Variants in AUTS2 observed in about 807,000 individuals in gnomAD.
The protein encoded by AUTS2 is activator of transcription and developmental regulator AUTS2.
Under a neutral mutation model 112.4 loss-of-function variants are expected in AUTS2, and 17 were observed. The ratio of observed to expected loss-of-function variants is 0.15; its 90% CI spans 0.10 to 0.23. AUTS2 has a LOEUF of 0.23. Ranked by LOEUF, AUTS2 falls within the 10% of genes least tolerant of loss-of-function variation. AUTS2 has a pLI of 1.00. For synonymous variants in AUTS2, 751 were observed against 702.7 expected, an observed-to-expected ratio of 1.07 and a Z score of -1.09; for missense variants, 1,510 against 1,701.6, an observed-to-expected ratio of 0.89 and a Z score of 1.98.
chr7:69,677,116 T>C (rs1189183294), intron 1 of AUTS2, among the ~76,000 whole-genome samples: 1 of 152,124 alleles, frequency 6.6e-6, no homozygotes, highest in Non-Finnish European at 1.5e-5. Flanking sequence ...TGAAGAAATA[T>C]AGGCTGTCAG....
intron 1 of AUTS2, among the ~76,000 whole-genome samples, chr7:69,681,646 C>T (rs1796803142): frequency 6.6e-6 from 1 of 152,202 alleles, no homozygotes; most frequent in African/African-American, 2.4e-5. Flanking sequence ...ACTCTGTTCC[C>T]TGCCATTGTC....
intron 6 of AUTS2, among the ~76,000 whole-genome samples, chr7:70,760,533 T>G (rs766785303): frequency 2.8e-4 from 43 of 152,242 alleles, no homozygotes; most frequent in Non-Finnish European, 5.4e-4. Flanking sequence ...TCAATGCCTT[T>G]GATAATAGCT....
At chr7:70,393,452 G>C (rs1315078659) in intron 4 of AUTS2, among the ~76,000 whole-genome samples, 1 of 152,012 alleles carries the variant, frequency 6.6e-6, no homozygotes, top group Non-Finnish European at 1.5e-5. Flanking sequence ...TATTTCACTG[G>C]ATCTTACTGG....
chr7:70,387,489 G>A (rs1793665994), intron 4 of AUTS2, among the ~76,000 whole-genome samples: 1 of 151,988 alleles, frequency 6.6e-6, no homozygotes, highest in African/African-American at 2.4e-5. Context: ...TCCCTTTCCA[G>A]CCTCATAACA....
chr7:70,711,822 G>A (rs1476481859), intron 6 of AUTS2, among the ~76,000 whole-genome samples: 2 of 152,126 alleles, frequency 1.3e-5, no homozygotes, highest in South Asian at 2.1e-4. Flanking sequence ...GCCAGACTTC[G>A]GAGAGGGGTC....
chr7:70,660,834 A>G (rs1807033261), intron 5 of AUTS2, among the ~76,000 whole-genome samples: 1 of 152,154 alleles, frequency 6.6e-6, no homozygotes, highest in Non-Finnish European at 1.5e-5. Flanking sequence ...GTTAGCCTGC[A>G]TTGTTGTCCT....
intron 4 of AUTS2, among the ~76,000 whole-genome samples, chr7:70,411,103 G>A (rs1428726649): frequency 6.6e-6 from 1 of 152,134 alleles, no homozygotes; most frequent in Non-Finnish European, 1.5e-5. Context: ...GACCTCAGGT[G>A]ATCCGCCCGC....
intron 5 of AUTS2, 33 bp downstream of exon 5, chr7:70,435,814 C>T (rs1476778995): frequency 6.2e-7 from 1 of 1,607,566 alleles, no homozygotes. Flanking sequence ...GTGGGCACAG[C>T]ACATAACACA....
At chr7:69,645,016 C>T (rs1794960990) in intron 1 of AUTS2, among the ~76,000 whole-genome samples, 1 of 151,982 alleles carries the variant, frequency 6.6e-6, no homozygotes, top group Admixed American at 6.6e-5. Flanking sequence ...TCAAGTGATC[C>T]TCCTGCCTCA....
intron 2 of AUTS2, among the ~76,000 whole-genome samples, chr7:69,913,870 C>A (rs1208559447): frequency 6.6e-6 from 1 of 152,144 alleles, no homozygotes; most frequent in Non-Finnish European, 1.5e-5. Flanking sequence ...CTCCCACATG[C>A]CAAGTTCCTT....
chr7:70,603,193 A>AT (rs1440413296), intron 5 of AUTS2, among the ~76,000 whole-genome samples: 5 of 150,844 alleles, frequency 3.3e-5, no homozygotes, highest in Admixed American at 3.3e-4. Flanking sequence ...CAAAATTGGC[A>AT]TTTTGTCCCA....
intron 1 of AUTS2, among the ~76,000 whole-genome samples, chr7:69,711,454 T>C (rs1798321939): frequency 6.6e-6 from 1 of 152,216 alleles, no homozygotes; most frequent in African/African-American, 2.4e-5. Context: ...CATTATTTTC[T>C]TTATTGGGCA....
chr7:69,740,769 G>A (rs1028562908), intron 1 of AUTS2, among the ~76,000 whole-genome samples: 1 of 152,036 alleles, frequency 6.6e-6, no homozygotes, highest in African/African-American at 2.4e-5. Flanking sequence ...TAATCTGCCC[G>A]CCTCGGCCTC....
chr7:70,413,899 T>C (rs994055753), intron 4 of AUTS2, among the ~76,000 whole-genome samples: 1 of 152,120 alleles, frequency 6.6e-6, no homozygotes, highest in African/African-American at 2.4e-5. Flanking sequence ...GGTCTTGAAC[T>C]CCTAGGCTCA....
At chr7:70,212,801 A>G (rs981683366) in intron 4 of AUTS2, among the ~76,000 whole-genome samples, 5 of 152,160 alleles carry the variant, frequency 3.3e-5, no homozygotes, top group African/African-American at 9.7e-5. Flanking sequence ...CTTGTAATTC[A>G]GTAATCTTGT....
At chr7:69,787,962 G>A (rs1295111604) in intron 1 of AUTS2, among the ~76,000 whole-genome samples, 1 of 152,148 alleles carries the variant, frequency 6.6e-6, no homozygotes, top group African/African-American at 2.4e-5. Flanking sequence ...ATTTTTCAGA[G>A]GGGCATTATT....
chr7:69,756,770 ATCT>A (rs750817222), intron 1 of AUTS2, among the ~76,000 whole-genome samples: 1 of 152,088 alleles, frequency 6.6e-6, no homozygotes, highest in African/African-American at 2.4e-5. Flanking sequence ...GGATGTCCAA[ATCT>A]TCTTTTTATA....
intron 1 of AUTS2, among the ~76,000 whole-genome samples, chr7:69,831,607 C>A (rs1791503669): frequency 6.6e-6 from 1 of 151,842 alleles, no homozygotes; most frequent in Non-Finnish European, 1.5e-5. Context: ...AAGCCAGGAC[C>A]CAACTGACCT....
chr7:69,654,650 C>G (rs1795441835), intron 1 of AUTS2, among the ~76,000 whole-genome samples: 1 of 152,146 alleles, frequency 6.6e-6, no homozygotes, highest in South Asian at 2.1e-4. Flanking sequence ...GGGCTCTTGT[C>G]CAACTACTCA....
Sources: gnomAD v4.1 joint callset for allele counts (sites outside exome capture counted in the v4.1 genomes callset) on GRCh38, gnomAD v4.1.1 for gene constraint, MANE v1.5 for transcripts, NCBI Gene and HGNC (gene_info 2026-07-23, HGNC 2026-07-21) for gene names.